Variants in TANC2 observed in about 807,000 individuals in gnomAD.
TANC2 encodes protein TANC2.
TANC2 carries 26 observed loss-of-function variants against 210.5 expected under a neutral mutation model. The ratio of observed to expected loss-of-function variants is 0.12; its 90% CI spans 0.09 to 0.17. The LOEUF is 0.17. TANC2 is among the 10% of genes least tolerant of loss of function. The pLI, the probability that TANC2 is intolerant of heterozygous loss-of-function variation, is 1.00. For synonymous variants in TANC2, 931 were observed against 967.1 expected, an observed-to-expected ratio of 0.96 and a Z score of 0.69; for missense variants, 2,129 against 2,608.9, an observed-to-expected ratio of 0.82 and a Z score of 4.01.
intron 14 of TANC2, 113 bp downstream of exon 14, chr17:63,355,503 A>ACAGATGATG: frequency 8.3e-7 from 1 of 1,205,910 alleles, no homozygotes; most frequent in Non-Finnish European, 1.1e-6. Context: ...TAGAAGAGAC[A>ACAGATGATG]TCATCTGTGT....
chr17:63,218,399 T>C (rs147727526), intron 7 of TANC2, among the ~76,000 whole-genome samples: 2 of 152,298 alleles, frequency 1.3e-5, no homozygotes, highest in East Asian at 3.9e-4. Flanking sequence ...TGCTTTCCCT[T>C]GAAAATCATG....
At chr17:63,116,427 A>G (rs2145086012) in intron 4 of TANC2, among the ~76,000 whole-genome samples, 1 of 152,330 alleles carries the variant, frequency 6.6e-6, no homozygotes, top group South Asian at 2.1e-4. Flanking sequence ...CTGGGAGGTG[A>G]GGGAAAACTA....
At chr17:63,299,094 A>G (rs550457072) in intron 9 of TANC2, among the ~76,000 whole-genome samples, 92 of 152,230 alleles carry the variant, frequency 6.0e-4, no homozygotes, top group Non-Finnish European at 1.0e-3. Flanking sequence ...CCTGTAAAGG[A>G]CATGATCTCA....
intron 2 of TANC2, among the ~76,000 whole-genome samples, chr17:63,036,435 G>A (rs547791876): frequency 8.5e-4 from 130 of 152,222 alleles, no homozygotes; most frequent in African/African-American, 3.0e-3. Flanking sequence ...TTATTTAGAT[G>A]TATTTCTGCA....
At chr17:63,390,459 C>T (rs1012109319) in intron 17 of TANC2, 3 of 152,150 alleles carry the variant, frequency 2.0e-5, no homozygotes, top group African/African-American at 7.2e-5. Flanking sequence ...TGAATGGACA[C>T]CTCTAGGAAC....
chr17:63,207,211 C>CTTTTTTTTTT (rs948663767), intron 7 of TANC2, among the ~76,000 whole-genome samples: 1 of 113,804 alleles, frequency 8.8e-6, no homozygotes, highest in Admixed American at 9.1e-5. Flanking sequence ...TTTTTTTTTC[C>CTTTTTTTTTT]TTTTTTTTTT....
intron 1 of TANC2, among the ~76,000 whole-genome samples, chr17:62,968,970 T>C (rs747039526): frequency 3.9e-5 from 6 of 152,260 alleles, no homozygotes; most frequent in East Asian, 3.9e-4. Flanking sequence ...CCCCCACATA[T>C]GCCAAAATCC....
At chr17:63,169,255 T>A (rs1255864409) in intron 5 of TANC2, among the ~76,000 whole-genome samples, 1 of 152,252 alleles carries the variant, frequency 6.6e-6, no homozygotes, top group Admixed American at 6.5e-5. Flanking sequence ...ACTATTTCCA[T>A]TGCCTATTAC....
At chr17:63,115,683 T>A (rs1184529148) in intron 4 of TANC2, among the ~76,000 whole-genome samples, 1 of 152,206 alleles carries the variant, frequency 6.6e-6, no homozygotes, top group African/African-American at 2.4e-5. Context: ...CCACTTTTCA[T>A]TTTTCTTTGC....
At chr17:63,058,075 C>G (rs996581548) in intron 2 of TANC2, among the ~76,000 whole-genome samples, 12 of 152,182 alleles carry the variant, frequency 7.9e-5, no homozygotes, top group Admixed American at 2.0e-4. Context: ...TACCTTTTCT[C>G]CGCAATTTGC....
chr17:63,059,943 G>A (rs1384302554), intron 2 of TANC2, among the ~76,000 whole-genome samples: 1 of 152,088 alleles, frequency 6.6e-6, no homozygotes, highest in Non-Finnish European at 1.5e-5. Flanking sequence ...CACTGCTACT[G>A]GATCAGTCTG....
chr17:63,162,269 A>C (rs1027894781), intron 5 of TANC2, among the ~76,000 whole-genome samples: 2 of 151,558 alleles, frequency 1.3e-5, no homozygotes, highest in Non-Finnish European at 2.9e-5. Context: ...GTGTCACTGC[A>C]TTACAGCCTG....
At chr17:63,344,996 G>A (rs1042731782) in intron 12 of TANC2, among the ~76,000 whole-genome samples, 2 of 152,196 alleles carry the variant, frequency 1.3e-5, no homozygotes, top group African/African-American at 2.4e-5. Flanking sequence ...GGAGAGTCTA[G>A]TTGACTGTCC....
chr17:63,029,410 AATAC>A, intron 2 of TANC2, among the ~76,000 whole-genome samples: 1 of 151,340 alleles, frequency 6.6e-6, no homozygotes, highest in South Asian at 2.1e-4. Flanking sequence ...AATGTTTTAT[AATAC>A]ATATTTGTTA....
At chr17:63,018,659 C>T (rs1260340144) in intron 2 of TANC2, among the ~76,000 whole-genome samples, 1 of 152,106 alleles carries the variant, frequency 6.6e-6, no homozygotes. Flanking sequence ...TGGACATTTC[C>T]ATCACCACAA....
chr17:63,302,460 C>T (rs1035383311), intron 9 of TANC2, among the ~76,000 whole-genome samples: 12 of 152,026 alleles, frequency 7.9e-5, no homozygotes, highest in Admixed American at 5.2e-4. Context: ...CTGGATGCTC[C>T]TGTATTGGGT....
intron 5 of TANC2, among the ~76,000 whole-genome samples, chr17:63,169,678 G>A (rs1229675679): frequency 6.6e-6 from 1 of 152,076 alleles, no homozygotes; most frequent in Non-Finnish European, 1.5e-5. Context: ...GTTGGGTGTG[G>A]TGGCACACCC....
rs2040398784 is a variant in TANC2 at position 63,171,331 on chromosome 17, C to T, written c.433+19951C>T. Among the ~76,000 whole-genome samples, 4 of 152,078 alleles carry T rather than the reference C, an allele frequency of 2.6e-5. No homozygotes were observed. The South Asian group carries it at 8.3e-4, about 32-fold the overall frequency. The stretch of plus-strand genomic sequence containing the variant: ...CTCCTGACCTCATGTGATCCGCCTG[C>T]CTCCGCCTCCCAAAGTGCTGGGATT... On this transcript the variant is annotated intron_variant, in intron 5 of 27. Transcript: ENST00000689528.
intron 14 of TANC2, among the ~76,000 whole-genome samples, chr17:63,374,951 A>AAT (rs1350072761): frequency 1.3e-5 from 2 of 152,172 alleles, no homozygotes; most frequent in African/African-American, 4.8e-5. Context: ...CAGGAGAGAA[A>AAT]ATATAGGAGA....
Sources: gnomAD v4.1 joint callset for allele counts (sites outside exome capture counted in the v4.1 genomes callset) on GRCh38, gnomAD v4.1.1 for gene constraint, MANE v1.5 for transcripts, NCBI Gene and HGNC (gene_info 2026-07-23, HGNC 2026-07-21) for gene names.